The following TLL1 variants were observed in gnomAD, a reference collection of about 807,000 sequenced individuals.
The protein encoded by TLL1 is tolloid like 1.
In TLL1, 49 loss-of-function variants were observed where a neutral mutation model predicts 128.2. The observed-to-expected ratio is 0.38, with a 90% confidence interval of 0.30 to 0.48. The LOEUF is 0.48. TLL1 is among the 20% of genes least tolerant of loss of function. TLL1 has a pLI of 0.96. For synonymous variants in TLL1, 454 were observed against 418.8 expected (o/e 1.08, Z -1.03); for missense variants, 1,123 against 1,242.0 (o/e 0.90, Z 1.44).
At chr4:165,937,556 T>G (rs185055268) in intron 1 of TLL1, among the ~76,000 whole-genome samples, 1 of 152,296 alleles carries the variant, frequency 6.6e-6, no homozygotes, top group East Asian at 1.9e-4. Flanking sequence ...TCTCTAACCC[T>G]CATTTATTTT....
chr4:166,026,116 G>A (rs558334414), intron 9 of TLL1, among the ~76,000 whole-genome samples: 18 of 152,286 alleles, frequency 1.2e-4, no homozygotes, highest in South Asian at 2.1e-4. Context: ...GGTCAGGCGA[G>A]GTGGCTCACG....
At chr4:166,081,853 G>A (rs1741298070) in intron 18 of TLL1, among the ~76,000 whole-genome samples, 1 of 151,834 alleles carries the variant, frequency 6.6e-6, no homozygotes, top group Non-Finnish European at 1.5e-5. Flanking sequence ...ATATACCCCG[G>A]TTTTAAAAAT....
At chr4:166,003,063 C>A (rs1339628920) in intron 5 of TLL1, among the ~76,000 whole-genome samples, 2 of 152,098 alleles carry the variant, frequency 1.3e-5, no homozygotes, top group African/African-American at 4.8e-5. Context: ...CTTAGAAATA[C>A]AACATCGTCA....
At chr4:165,965,418 C>A (rs1439063354) in intron 1 of TLL1, among the ~76,000 whole-genome samples, 1 of 152,194 alleles carries the variant, frequency 6.6e-6, no homozygotes, top group African/African-American at 2.4e-5. Flanking sequence ...CAACACAAAT[C>A]TGTGTCACAA....
intron 7 of TLL1, among the ~76,000 whole-genome samples, chr4:166,013,436 C>G (rs1737793605): frequency 6.6e-6 from 1 of 151,748 alleles, no homozygotes; most frequent in Admixed American, 6.6e-5. Flanking sequence ...AGTTTAAATG[C>G]ATTAAATTCA....
rs1169297533 is a variant in TLL1, at chr4:165,976,034, CAAAAAA to C, written c.170-13328_170-13323del. On this transcript the variant is annotated intron_variant, in intron 1 of 20. Coordinates refer to ENST00000061240, the MANE Select transcript of TLL1 (RefSeq NM_012464.5). ...TGGGTAACAGAGTGAGATTCCATCT[CAAAAAA>C]AAAAAAAAAAAAAAAAAAGATTATA... is the stretch of plus-strand genomic sequence containing the variant. Among the ~76,000 whole-genome samples, 357 of 72,082 alleles carry C rather than the reference CAAAAAA, an allele frequency of 5.0e-3. 1 individual carries two copies. In the Middle Eastern group the frequency reaches 0.074, roughly 15 times the overall value. The allele number at this position is 72,082 out of a possible 152,430, so 47.3% of individuals were successfully genotyped here.
intron 9 of TLL1, among the ~76,000 whole-genome samples, chr4:166,033,158 A>G (rs1478155837): frequency 2.6e-5 from 4 of 152,148 alleles, no homozygotes; most frequent in Non-Finnish European, 5.9e-5. Flanking sequence ...CACATTGGGT[A>G]ATTTGTATTA....
chr4:166,076,710 A>G (rs915630869), intron 17 of TLL1, among the ~76,000 whole-genome samples: 1 of 152,168 alleles, frequency 6.6e-6, no homozygotes, highest in African/African-American at 2.4e-5. Context: ...GACAGGGACA[A>G]TGGAATTTAG....
At chr4:165,937,475 A>G (rs1417745954) in intron 1 of TLL1, among the ~76,000 whole-genome samples, 2 of 152,170 alleles carry the variant, frequency 1.3e-5, no homozygotes, top group Non-Finnish European at 2.9e-5. Context: ...ATGACTTTGT[A>G]TATGCTACAT....
intron 1 of TLL1, among the ~76,000 whole-genome samples, chr4:165,913,149 A>C (rs1192134010): frequency 6.6e-6 from 1 of 152,208 alleles, no homozygotes; most frequent in East Asian, 1.9e-4. Context: ...AAACACCAAC[A>C]AAACTCCCTT....
chr4:166,024,427 C>G (rs574874063), intron 8 of TLL1, among the ~76,000 whole-genome samples: 2 of 152,138 alleles, frequency 1.3e-5, no homozygotes, highest in South Asian at 4.1e-4. Flanking sequence ...AGGAACTGTT[C>G]TTTCAAATTG....
At chr4:166,061,752 T>A (rs1202806116) in intron 15 of TLL1, among the ~76,000 whole-genome samples, 1 of 152,156 alleles carries the variant, frequency 6.6e-6, no homozygotes, top group Non-Finnish European at 1.5e-5. Context: ...TTGGCTTTTG[T>A]TGTCATTGCT....
At chr4:166,027,793 T>C (rs1231382542) in intron 9 of TLL1, among the ~76,000 whole-genome samples, 1 of 152,156 alleles carries the variant, frequency 6.6e-6, no homozygotes, top group Non-Finnish European at 1.5e-5. Context: ...CAAATTAAAT[T>C]GTTTCATAAC....
chr4:165,972,789 C>T (rs1239148131), intron 1 of TLL1, among the ~76,000 whole-genome samples: 2 of 152,152 alleles, frequency 1.3e-5, no homozygotes, highest in Admixed American at 6.5e-5. Flanking sequence ...TGAGCCCATT[C>T]CATAATACCA....
At chr4:165,987,886 C>T (rs1736459720) in intron 1 of TLL1, among the ~76,000 whole-genome samples, 3 of 152,010 alleles carry the variant, frequency 2.0e-5, no homozygotes, top group South Asian at 4.1e-4. Flanking sequence ...CAATGAAAGA[C>T]AGTAATTTGA....
intron 18 of TLL1, among the ~76,000 whole-genome samples, chr4:166,088,028 A>C (rs577137659): frequency 8.5e-5 from 13 of 152,280 alleles, no homozygotes; most frequent in South Asian, 2.1e-4. Flanking sequence ...TATGCTTTAA[A>C]GTTTTTTAAT....
intron 8 of TLL1, among the ~76,000 whole-genome samples, chr4:166,015,310 C>T (rs1357916225): frequency 3.3e-5 from 5 of 151,968 alleles, no homozygotes; most frequent in African/African-American, 1.2e-4. Context: ...TTACCCAATA[C>T]TTACTTGTAG....
At chr4:166,066,955 T>A (rs1337180032) in intron 16 of TLL1, among the ~76,000 whole-genome samples, 1 of 151,800 alleles carries the variant, frequency 6.6e-6, no homozygotes, top group African/African-American at 2.4e-5. Context: ...TGTTATAAAG[T>A]TTAAATGATC....
At chr4:165,986,402 A>G (rs1246407936) in intron 1 of TLL1, among the ~76,000 whole-genome samples, 1 of 151,852 alleles carries the variant, frequency 6.6e-6, no homozygotes, top group East Asian at 1.9e-4. Context: ...TTTAAACTGT[A>G]TGACAGGTTG....
Sources: allele counts gnomAD v4.1 joint callset (sites outside exome capture counted in the v4.1 genomes callset), GRCh38; gene constraint gnomAD v4.1.1; transcripts MANE v1.5; gene names NCBI Gene and HGNC (gene_info 2026-07-23, HGNC 2026-07-21).